The following TMEM45A variants were observed in gnomAD, a reference collection of about 807,000 sequenced individuals.
TMEM45A encodes transmembrane protein 45A.
In TMEM45A, 25 loss-of-function variants were observed where a neutral mutation model predicts 32.0. The observed-to-expected ratio is 0.78, with a 90% CI of 0.57 to 1.09. The LOEUF (loss-of-function observed/expected upper bound fraction) is 1.09, where lower values mean the gene tolerates loss of function less well. Ranked by LOEUF, TMEM45A falls within the 50% of genes least tolerant of loss-of-function variation. TMEM45A has a pLI of 0.00. For missense variants in TMEM45A, 302 were observed against 325.0 expected (o/e 0.93, Z 0.54); for synonymous variants, 122 against 114.8 (o/e 1.06, Z -0.40).
chr3:100,519,497 A>C, intron 1 of TMEM45A: 1 of 1,496,230 alleles, frequency 6.7e-7, no homozygotes, highest in East Asian at 2.5e-5. Context: ...CAAAGGCTCA[A>C]TTTTGGCTGC....
chr3:100,510,152 C>T (rs1708136316), intron 1 of TMEM45A, among the ~76,000 whole-genome samples: 1 of 152,236 alleles, frequency 6.6e-6, no homozygotes, highest in Admixed American at 6.5e-5. Context: ...CTGTAGGCTC[C>T]ACCTCTGGGG....
At chr3:100,530,084 A>G (rs1158769077) in intron 1 of TMEM45A, among the ~76,000 whole-genome samples, 4 of 152,222 alleles carry the variant, frequency 2.6e-5, no homozygotes, top group African/African-American at 4.8e-5. Flanking sequence ...ATAGTATAAC[A>G]TACTGATTAC....
At chr3:100,507,425 A>T (rs952871409) in intron 1 of TMEM45A, among the ~76,000 whole-genome samples, 2 of 152,228 alleles carry the variant, frequency 1.3e-5, no homozygotes, top group Non-Finnish European at 2.9e-5. Flanking sequence ...ATCACAAGAT[A>T]TTACTGTTAT....
intron 1 of TMEM45A, among the ~76,000 whole-genome samples, chr3:100,503,835 G>C (rs1190550919): frequency 6.6e-6 from 1 of 152,226 alleles, no homozygotes; most frequent in African/African-American, 2.4e-5. Flanking sequence ...GAGAGGTTAA[G>C]TAACTCATGC....
intron 1 of TMEM45A, among the ~76,000 whole-genome samples, chr3:100,548,868 C>T (rs1706032762): frequency 6.6e-6 from 1 of 152,154 alleles, no homozygotes; most frequent in South Asian, 2.1e-4. Flanking sequence ...TTTCTTTCAT[C>T]ATTTTTCTTA....
intron 1 of TMEM45A, among the ~76,000 whole-genome samples, chr3:100,553,662 T>C (rs1047148046): frequency 4.6e-5 from 7 of 152,188 alleles, no homozygotes; most frequent in African/African-American, 7.2e-5. Flanking sequence ...AGGAAAGAAC[T>C]CCAGGTTTCA....
At chr3:100,547,573 G>A (rs1706004021) in intron 1 of TMEM45A, among the ~76,000 whole-genome samples, 1 of 148,318 alleles carries the variant, frequency 6.7e-6, no homozygotes, top group South Asian at 2.1e-4. Flanking sequence ...AATAGGCTGA[G>A]GAGGAGGAGG....
At chr3:100,520,308 T>C (rs2148946850) in intron 1 of TMEM45A, among the ~76,000 whole-genome samples, 1 of 152,302 alleles carries the variant, frequency 6.6e-6, no homozygotes, top group South Asian at 2.1e-4. Flanking sequence ...CTTCTTGTTA[T>C]TACCAACCAG....
chr3:100,500,552 C>T (rs567197112), intron 1 of TMEM45A, among the ~76,000 whole-genome samples: 2 of 152,312 alleles, frequency 1.3e-5, no homozygotes, highest in Non-Finnish European at 1.5e-5. Context: ...TTTCCAGTCT[C>T]GTCTGACTTT....
chr3:100,558,760 G>A (rs1454959148), intron 4 of TMEM45A, among the ~76,000 whole-genome samples, 171 bp downstream of exon 4: 4 of 152,180 alleles, frequency 2.6e-5, no homozygotes. Flanking sequence ...CCTGATGGGA[G>A]AATTGTCAGA....
chr3:100,520,657 G>A (rs549742064), intron 1 of TMEM45A, among the ~76,000 whole-genome samples: 2 of 152,276 alleles, frequency 1.3e-5, no homozygotes, highest in Admixed American at 1.3e-4. Flanking sequence ...CCCTTGTAGG[G>A]CTAGGCCTCT....
intron 1 of TMEM45A, among the ~76,000 whole-genome samples, chr3:100,509,541 TATCA>T (rs1205084283): frequency 6.6e-6 from 1 of 152,218 alleles, no homozygotes; most frequent in Non-Finnish European, 1.5e-5. Context: ...CCTAAGTGTC[TATCA>T]ATGAATGAAT....
In TMEM45A at chr3:100,493,706, C is replaced by T. The variant is rs187698548; in HGVS notation, c.-4+778C>T. Among the ~76,000 whole-genome samples, 15 of 151,792 alleles carry T rather than the reference C, an allele frequency of 9.9e-5. No individual in the cohort carries two copies. In the East Asian group the frequency reaches 1.9e-3, roughly 20 times the overall value. On this transcript the variant is annotated intron_variant, in intron 1 of 5. Coordinates refer to ENST00000323523, the MANE Select transcript of TMEM45A (RefSeq NM_018004.3). ...TATGCTATATAGTATACTCTATATA[C>T]GCTATATATTTTGTTGTTGTTGTAG...
At position 100,536,361 on chromosome 3, in the gene TMEM45A, T is replaced by C. The variant is rs538255440; in HGVS notation, c.-3-18848T>C. On this transcript the variant is annotated intron_variant, in intron 1 of 5. Coordinates refer to ENST00000323523, the MANE Select transcript of TMEM45A (RefSeq NM_018004.3). ...GTATTTCCAACCAGCTCCCACTTGG[T>C]GTAGCCACTGCTGGTGTGAGTGCCA... Among the ~76,000 whole-genome samples, 19 of 152,352 alleles carry C rather than the reference T, an allele frequency of 1.2e-4. 1 individual carries two copies. Among genetic ancestry groups the C allele is most frequent in the African/African-American group, 4.6e-4 (19 of 41,572 alleles).
At chr3:100,569,674 T>C (rs1003111026) in intron 5 of TMEM45A, among the ~76,000 whole-genome samples, 2 of 152,346 alleles carry the variant, frequency 1.3e-5, no homozygotes, top group Admixed American at 1.3e-4. Flanking sequence ...AAGAGCTCAA[T>C]AAATATTATT....
At chr3:100,543,974 ATTAAAGGAGT>A (rs1015993018) in intron 1 of TMEM45A, among the ~76,000 whole-genome samples, 3 of 152,188 alleles carry the variant, frequency 2.0e-5, no homozygotes, top group African/African-American at 7.2e-5. Flanking sequence ...TGTTTTGAAG[ATTAAAGGAGT>A]TAAGATGAAG....
intron 1 of TMEM45A, among the ~76,000 whole-genome samples, chr3:100,536,864 G>A (rs1305189833): frequency 1.1e-4 from 17 of 152,306 alleles, no homozygotes; most frequent in Admixed American, 1.1e-3. Flanking sequence ...CCTGTCCCAA[G>A]GTGAAAGGCC....
At chr3:100,564,278 A>G (rs1226221503) in intron 4 of TMEM45A, among the ~76,000 whole-genome samples, 2 of 152,044 alleles carry the variant, frequency 1.3e-5, no homozygotes, top group African/African-American at 4.8e-5. Context: ...TGGTTGGATC[A>G]CTCCACTTGG....
At chr3:100,509,093 C>T (rs1017422932) in intron 1 of TMEM45A, among the ~76,000 whole-genome samples, 2 of 152,102 alleles carry the variant, frequency 1.3e-5, no homozygotes, top group African/African-American at 2.4e-5. Flanking sequence ...CCAGAATATA[C>T]AACGAACTCC....
Sources: gnomAD v4.1 joint callset for allele counts (sites outside exome capture counted in the v4.1 genomes callset) on GRCh38, gnomAD v4.1.1 for gene constraint, MANE v1.5 for transcripts, NCBI Gene and HGNC (gene_info 2026-07-23, HGNC 2026-07-21) for gene names.